CCNY: variants seen among roughly 807,000 people sequenced by gnomAD.
The protein encoded by CCNY is cyclin-Y.
Under a neutral mutation model 42.8 loss-of-function variants are expected in CCNY, and 19 were observed. The observed-to-expected ratio is 0.44, with a 90% CI of 0.31 to 0.65. The LOEUF is 0.65. Ranked by LOEUF, CCNY falls within the 30% of genes least tolerant of loss-of-function variation. The pLI is 0.07. For synonymous variants in CCNY, 165 were observed against 162.7 expected (o/e 1.01, Z -0.11); for missense variants, 370 against 437.3 (o/e 0.85, Z 1.37).
At chr10:35,375,955 A>G (rs1837042606) in intron 1 of CCNY, among the ~76,000 whole-genome samples, 2 of 152,192 alleles carry the variant, frequency 1.3e-5, no homozygotes, top group South Asian at 4.1e-4. Context: ...CACCAGTGGA[A>G]GACACCGAAA....
chr10:35,562,335 T>C (rs1358003501), intron 8 of CCNY, among the ~76,000 whole-genome samples: 1 of 152,242 alleles, frequency 6.6e-6, no homozygotes, highest in Non-Finnish European at 1.5e-5. Flanking sequence ...AAATTTATGA[T>C]TGTAGCCATT....
At chr10:35,548,263 T>C (rs1841159146) in intron 7 of CCNY, among the ~76,000 whole-genome samples, 1 of 147,980 alleles carries the variant, frequency 6.8e-6, no homozygotes, top group Non-Finnish European at 1.5e-5. Context: ...CAAATATATA[T>C]ATACATAAAT....
chr10:35,377,666 G>A (rs940533700), intron 1 of CCNY, among the ~76,000 whole-genome samples: 13 of 152,308 alleles, frequency 8.5e-5, no homozygotes, highest in African/African-American at 3.1e-4. Flanking sequence ...GGAAATTGTA[G>A]AGAAGAATTT....
At chr10:35,339,279 C>A (rs570573756) in intron 1 of CCNY, among the ~76,000 whole-genome samples, 2 of 152,130 alleles carry the variant, frequency 1.3e-5, no homozygotes, top group Non-Finnish European at 2.9e-5. Context: ...TTAAATCTCT[C>A]CAAGGTGATT....
intron 4 of CCNY, among the ~76,000 whole-genome samples, chr10:35,521,906 T>C (rs145371879): frequency 6.6e-6 from 1 of 152,016 alleles, no homozygotes; most frequent in Non-Finnish European, 1.5e-5. Flanking sequence ...ACAGCTAAGC[T>C]GAGGAGTGCT....
chr10:35,465,582 GCCTGAATCCACCTT>G (rs1388804153), intron 1 of CCNY, among the ~76,000 whole-genome samples: 76 of 152,180 alleles, frequency 5.0e-4, no homozygotes, highest in African/African-American at 1.8e-3. Flanking sequence ...TTCCAAGGTG[GCCTGAATCCACCTT>G]GCATGCTTTC....
chr10:35,464,785 G>C (rs997713544), intron 1 of CCNY, among the ~76,000 whole-genome samples: 1 of 152,094 alleles, frequency 6.6e-6, no homozygotes, highest in Non-Finnish European at 1.5e-5. Flanking sequence ...CACCTACATC[G>C]AGTTGATTCT....
At chr10:35,372,879 T>TAG (rs1241935206) in intron 1 of CCNY, among the ~76,000 whole-genome samples, 14 of 152,064 alleles carry the variant, frequency 9.2e-5, no homozygotes, top group Non-Finnish European at 1.5e-4. Flanking sequence ...TTTGTATTTT[T>TAG]TAGAGACAGG....
intron 7 of CCNY, among the ~76,000 whole-genome samples, chr10:35,542,170 A>G (rs1046198726): frequency 4.7e-5 from 7 of 149,012 alleles, no homozygotes; most frequent in Non-Finnish European, 7.4e-5. Flanking sequence ...ATAGTTTCTC[A>G]GGCTTTCCTT....
intron 8 of CCNY, among the ~76,000 whole-genome samples, chr10:35,564,164 G>A (rs1025074580): frequency 1.5e-5 from 2 of 136,524 alleles, no homozygotes; most frequent in Admixed American, 1.6e-4. Context: ...ACAGGTGTGA[G>A]TGACCACACC....
chr10:35,257,585 A>T (rs1335978690), intron 3 of CCNY, among the ~76,000 whole-genome samples: 1 of 152,168 alleles, frequency 6.6e-6, no homozygotes, highest in African/African-American at 2.4e-5. Context: ...TCTGGCCTGC[A>T]GAGTCTCTGG....
At chr10:35,381,579 AAAAG>A (rs1338793077) in intron 1 of CCNY, among the ~76,000 whole-genome samples, 9 of 151,956 alleles carry the variant, frequency 5.9e-5, no homozygotes, top group Non-Finnish European at 1.5e-5. Flanking sequence ...AAAAAAAAAA[AAAAG>A]AAATACTGTA....
intron 3 of CCNY, among the ~76,000 whole-genome samples, chr10:35,253,711 T>C (rs1295995051): frequency 1.3e-5 from 2 of 152,082 alleles, no homozygotes; most frequent in Non-Finnish European, 2.9e-5. Context: ...TAACATTCAG[T>C]GACTCAAACC....
chr10:35,275,412 T>C (rs1260879651), intron 3 of CCNY, among the ~76,000 whole-genome samples: 1 of 151,914 alleles, frequency 6.6e-6, no homozygotes, highest in East Asian at 2.0e-4. Flanking sequence ...AGGTTTCCAC[T>C]TGGCCTTCCC....
chr10:35,390,184 T>G (rs576997695), intron 1 of CCNY, among the ~76,000 whole-genome samples: 8 of 152,362 alleles, frequency 5.3e-5, no homozygotes, highest in Admixed American at 5.2e-4. Flanking sequence ...TGTGGCTGAA[T>G]ATAGATAAAT....
At chr10:35,540,564 C>CTTTTTTTTTTTTT (rs561129843) in intron 7 of CCNY, among the ~76,000 whole-genome samples, 2 of 144,804 alleles carry the variant, frequency 1.4e-5, no homozygotes, top group South Asian at 2.2e-4. Flanking sequence ...ATTCCTTCTA[C>CTTTTTTTTTTTTT]TTTTTTTTTT....
chr10:35,430,883 G>T (rs931213512), intron 1 of CCNY, among the ~76,000 whole-genome samples: 1 of 152,002 alleles, frequency 6.6e-6, no homozygotes, highest in South Asian at 2.1e-4. Context: ...GGCCGATCAC[G>T]ATCCGCGGGT....
At chr10:35,526,443 G>T (rs1431830547) in intron 5 of CCNY, among the ~76,000 whole-genome samples, 1 of 152,204 alleles carries the variant, frequency 6.6e-6, no homozygotes, top group Non-Finnish European at 1.5e-5. Context: ...TGATGTAAGT[G>T]TATCTGGCAA....
intron 1 of CCNY, among the ~76,000 whole-genome samples, chr10:35,394,378 A>G (rs1238352424): frequency 6.6e-6 from 1 of 152,240 alleles, no homozygotes; most frequent in East Asian, 1.9e-4. Context: ...ATTTTTCTTT[A>G]AAAGAATTTC....
Sources: gnomAD v4.1 joint callset for allele counts (sites outside exome capture counted in the v4.1 genomes callset) on GRCh38, gnomAD v4.1.1 for gene constraint, MANE v1.5 for transcripts, NCBI Gene and HGNC (gene_info 2026-07-23, HGNC 2026-07-21) for gene names.